Variants in DENND5A observed in about 807,000 individuals in gnomAD.
The protein encoded by DENND5A is DENN domain containing 5A, also known as DENN domain-containing protein 5A.
DENND5A carries 64 observed loss-of-function variants against 140.3 expected under a neutral mutation model. The observed-to-expected ratio is 0.46, with a 90% confidence interval of 0.37 to 0.56. DENND5A has a LOEUF of 0.56. Among genes scored for constraint, DENND5A ranks in the 20% least tolerant of loss-of-function variants. The pLI is 0.00. For missense variants in DENND5A, 1,292 were observed against 1,593.8 expected (o/e 0.81, Z 3.22); for synonymous variants, 605 against 607.7 (o/e 1.00, Z 0.07).
chr11:9,238,665 C>T (rs1350195462), intron 1 of DENND5A, among the ~76,000 whole-genome samples: 1 of 151,898 alleles, frequency 6.6e-6, no homozygotes, highest in African/African-American at 2.4e-5. Flanking sequence ...CCGCCCGCCT[C>T]GGCCTCCCAA....
chr11:9,251,491 A>G (rs1035622652), intron 1 of DENND5A, among the ~76,000 whole-genome samples: 1 of 152,190 alleles, frequency 6.6e-6, no homozygotes, highest in African/African-American at 2.4e-5. Flanking sequence ...ACCTATTGCC[A>G]TCTTACTTCC....
At chr11:9,257,704 G>A (rs1380373606) in intron 1 of DENND5A, among the ~76,000 whole-genome samples, 4 of 150,354 alleles carry the variant, frequency 2.7e-5, no homozygotes, top group African/African-American at 7.3e-5. Flanking sequence ...GGATAGTCTC[G>A]ATCTCCTGAC....
chr11:9,207,957 TAA>T (rs1347970631), intron 1 of DENND5A, among the ~76,000 whole-genome samples: 1 of 152,206 alleles, frequency 6.6e-6, no homozygotes, highest in African/African-American at 2.4e-5. Context: ...CAAATTACTA[TAA>T]AGTCACTAGT....
At chr11:9,160,962 G>A in intron 11 of DENND5A, 97 bp from the exon 12 acceptor site, 3 of 1,239,120 alleles carry the variant, frequency 2.4e-6, no homozygotes, top group Non-Finnish European at 3.4e-6. Flanking sequence ...CATCTGTTGG[G>A]CTGGGAAGGA....
At chr11:9,264,691 C>T (rs1262754729) in intron 1 of DENND5A, among the ~76,000 whole-genome samples, 2 of 152,164 alleles carry the variant, frequency 1.3e-5, no homozygotes, top group Non-Finnish European at 2.9e-5. Context: ...TCAACCTACA[C>T]CAAACTGAGA....
In DENND5A at chr11:9,203,754, A is replaced by G; in HGVS notation, c.855T>C (p.Pro285=). 6.2e-7 allele frequency: 1 copy of G among 1,614,210 alleles called. No homozygotes were observed. The highest frequency in any genetic ancestry group is 1.6e-4 in the Middle Eastern group (1 of 6,062). The part of the protein sequence containing the change: ...STNELPLFDF[P]VKEVFELLGV... ...CGAGCAGTTCAAAAACCTCTTTGAC[A>G]GGAAAGTCAAATAGGGGAAGCTCAT... The change falls in exon 4 of 23, where the codon CCT becomes CCC. Residue 285 remains proline, a synonymous_variant. Coordinates refer to ENST00000328194, the MANE Select transcript of DENND5A (RefSeq NM_015213.4).
chr11:9,256,198 G>A (rs1851938920), intron 1 of DENND5A, among the ~76,000 whole-genome samples: 1 of 151,972 alleles, frequency 6.6e-6, no homozygotes. Context: ...ACGGTGGCTT[G>A]TGCCTGTAAT....
intron 18 of DENND5A, among the ~76,000 whole-genome samples, chr11:9,144,483 C>A (rs556030522): frequency 6.6e-6 from 1 of 152,324 alleles, no homozygotes; most frequent in East Asian, 1.9e-4. Flanking sequence ...CAATTCCACA[C>A]ATCTTCACCT....
At chr11:9,259,481 G>A (rs978485377) in intron 1 of DENND5A, among the ~76,000 whole-genome samples, 32 of 151,990 alleles carry the variant, frequency 2.1e-4, no homozygotes, top group Admixed American at 6.6e-5. Context: ...CAGGAGAATG[G>A]CGTGAACCCG....
intron 1 of DENND5A, among the ~76,000 whole-genome samples, chr11:9,233,447 T>TG (rs1374354976): frequency 6.6e-6 from 1 of 150,820 alleles, no homozygotes; most frequent in Non-Finnish European, 1.5e-5. Context: ...TTAGACCCTC[T>TG]GGAGTGGGTT....
chr11:9,167,574 T>C (rs1256323142), intron 10 of DENND5A, among the ~76,000 whole-genome samples: 2 of 151,638 alleles, frequency 1.3e-5, no homozygotes, highest in Non-Finnish European at 2.9e-5. Flanking sequence ...GCTCAGAAGT[T>C]TGAGACCATC....
At chr11:9,178,824 T>C (rs1848630991) in intron 7 of DENND5A, 34 bp downstream of exon 7, 3 of 1,564,990 alleles carry the variant, frequency 1.9e-6, no homozygotes, top group Non-Finnish European at 2.6e-6. Flanking sequence ...CAAGTTCTCA[T>C]TCCTCACCAC....
rs374543171 is a variant in DENND5A at position 9,139,827 on chromosome 11, G to A, written c.3708C>T (p.Ala1236=). Residue 1236 remains alanine, a synonymous_variant, in exon 23 of 23, where the codon GCC becomes GCT. Transcript: ENST00000328194. The part of the protein sequence containing the change: ...ARDHLLHHWI[A]LLADCPITAH... ...CAGTGATGGGGCAGTCAGCCAGCAG[G>A]GCAATCCAGTGGTGTAGGAGGTGAT... 16 of 1,613,988 alleles carry A rather than the reference G, an allele frequency of 9.9e-6. No homozygotes were observed. The African/African-American group carries it at 1.1e-4, about 11-fold the overall frequency.
chr11:9,176,709 A>T (rs956237261), intron 8 of DENND5A: 5 of 311,744 alleles, frequency 1.6e-5, no homozygotes, highest in Non-Finnish European at 3.2e-5. Context: ...GCATCAGAGA[A>T]GGTTTCATAG....
intron 12 of DENND5A, among the ~76,000 whole-genome samples, chr11:9,153,864 T>C (rs1590212511): frequency 6.6e-6 from 1 of 152,250 alleles, no homozygotes; most frequent in Middle Eastern, 3.2e-3. Context: ...CAAACCTGAA[T>C]AGTATTTGCA....
In DENND5A at chr11:9,139,335, CAT is replaced by C. The variant is rs1847157266; in HGVS notation, c.*334_*335del. The C allele has an allele frequency of 4.0e-6, 1 of 248,104 alleles. No individual in the cohort carries two copies. The highest frequency in any genetic ancestry group is 7.8e-6 in the Non-Finnish European group (1 of 128,570). 15.4% of individuals were successfully genotyped at this position (248,104 alleles called of 1,614,324 possible). The stretch of plus-strand genomic sequence containing the variant: ...TCATTAATGCGACGGGGCAAGGAAA[CAT>C]AACTGTCCCGCACGCAGTGCCACAG... On this transcript the variant is annotated 3_prime_UTR_variant, in exon 23 of 23. Coordinates refer to ENST00000328194, the MANE Select transcript of DENND5A (RefSeq NM_015213.4).
chr11:9,220,116 A>G (rs1433683216), intron 1 of DENND5A, among the ~76,000 whole-genome samples: 1 of 152,240 alleles, frequency 6.6e-6, no homozygotes, highest in African/African-American at 2.4e-5. Context: ...AAGGTGGTAT[A>G]TAAGAAAAAT....
At chr11:9,203,449 G>A (rs1554924873) in intron 4 of DENND5A, 1 of 528,432 alleles carries the variant, frequency 1.9e-6, no homozygotes, top group Non-Finnish European at 3.3e-6. Context: ...TCCAAGACTG[G>A]AATGCCCAGC....
rs1003433174 is a variant in DENND5A, at chr11:9,224,856, C to CAAA, written c.110-17227_110-17225dup. On this transcript the variant is annotated intron_variant, in intron 1 of 22. Transcript: ENST00000328194. ...CTGGGCAACAGAGCAAGACTCCATC[C>CAAA]AAAAAAAAAAAAAAAAAAAATCCAC... Among the ~76,000 whole-genome samples the CAAA allele has an allele frequency of 2.4e-4, 23 of 93,984 alleles. 1 individual carries two copies. Among genetic ancestry groups the CAAA allele is most frequent in the Non-Finnish European group, 6.6e-5 (3 of 45,410 alleles). 61.7% of individuals were successfully genotyped at this position (93,984 alleles called of 152,430 possible).
Sources: allele counts gnomAD v4.1 joint callset (sites outside exome capture counted in the v4.1 genomes callset), GRCh38; gene constraint gnomAD v4.1.1; transcripts MANE v1.5; gene names NCBI Gene and HGNC (gene_info 2026-07-23, HGNC 2026-07-21).